FRMD3: variants seen among roughly 807,000 people sequenced by gnomAD.
The protein encoded by FRMD3 is FERM domain-containing protein 3.
In FRMD3, 33 loss-of-function variants were observed where a neutral mutation model predicts 70.2. The observed-to-expected ratio is 0.47, with a 90% CI of 0.36 to 0.63. The LOEUF is 0.63. FRMD3 is among the 20% of genes least tolerant of loss of function. The probability of loss-of-function intolerance (pLI) is 0.00; values close to 1 mark genes in which losing one functional copy is unlikely to be tolerated. For missense variants in FRMD3, 632 were observed against 711.4 expected (o/e 0.89, Z 1.27); for synonymous variants, 279 against 255.9 (o/e 1.09, Z -0.86).
the FRMD3 span, among the ~76,000 whole-genome samples, chr9:83,562,259 C>T: frequency 8.2e-4 from 125 of 152,278 alleles, no homozygotes; most frequent in African/African-American, 2.9e-3. Flanking sequence ...TCCTTAGACG[C>T]GGTATCCTTG....
intron 1 of FRMD3, among the ~76,000 whole-genome samples, chr9:83,415,877 G>T (rs1587831719): frequency 6.6e-6 from 1 of 152,124 alleles, no homozygotes; most frequent in Non-Finnish European, 1.5e-5. Context: ...ATAATGCCCT[G>T]CATAATTTGT....
At chr9:83,450,359 T>TG (rs1827615800) in intron 1 of FRMD3, among the ~76,000 whole-genome samples, 3 of 141,414 alleles carry the variant, frequency 2.1e-5, no homozygotes, top group South Asian at 4.6e-4. Context: ...TTTTTTTTTT[T>TG]TTTTTTTTTT....
intron 6 of FRMD3, among the ~76,000 whole-genome samples, chr9:83,320,061 C>A (rs540730004): frequency 6.6e-6 from 1 of 152,048 alleles, no homozygotes; most frequent in African/African-American, 2.4e-5. Flanking sequence ...CTTTTGGTAG[C>A]GATTTTAGGG....
At chr9:83,575,192 C>T in the FRMD3 span, among the ~76,000 whole-genome samples, 19 of 152,044 alleles carry the variant, frequency 1.2e-4, no homozygotes, top group African/African-American at 2.4e-5. Context: ...GACATCCTCT[C>T]AAAGAACTTA....
chr9:83,433,923 G>T (rs1185057471), intron 1 of FRMD3, among the ~76,000 whole-genome samples: 1 of 152,162 alleles, frequency 6.6e-6, no homozygotes, highest in African/African-American at 2.4e-5. Flanking sequence ...GGTTCCTACT[G>T]GTCTGTGGCC....
At chr9:83,267,858 A>G (rs1239706644) in intron 13 of FRMD3, among the ~76,000 whole-genome samples, 3 of 152,238 alleles carry the variant, frequency 2.0e-5, no homozygotes, top group Non-Finnish European at 4.4e-5. Flanking sequence ...TCAAGTGTTC[A>G]GTAGCTATAT....
chr9:83,422,944 A>G (rs1826686887), intron 1 of FRMD3, among the ~76,000 whole-genome samples: 2 of 152,242 alleles, frequency 1.3e-5, no homozygotes, highest in Non-Finnish European at 2.9e-5. Flanking sequence ...CCACCAGGCC[A>G]GGGAACGAAT....
At chr9:83,472,358 C>T (rs916813652) in intron 1 of FRMD3, among the ~76,000 whole-genome samples, 5 of 152,276 alleles carry the variant, frequency 3.3e-5, no homozygotes, top group South Asian at 2.1e-4. Flanking sequence ...ATGACACACA[C>T]GTGAAACATG....
intron 13 of FRMD3, chr9:83,279,370 A>G: frequency 6.6e-6 from 1 of 152,252 alleles, no homozygotes; most frequent in East Asian, 1.9e-4. Context: ...CTGATTTTAA[A>G]TATCATTGTT....
intron 1 of FRMD3, among the ~76,000 whole-genome samples, chr9:83,503,421 A>G (rs1829116477): frequency 6.6e-6 from 1 of 152,218 alleles, no homozygotes; most frequent in Admixed American, 6.5e-5. Flanking sequence ...GACAACCAGT[A>G]AGAAAATGGA....
intron 3 of FRMD3, among the ~76,000 whole-genome samples, chr9:83,357,295 AT>A (rs1324528330): frequency 3.3e-5 from 3 of 89,818 alleles, no homozygotes; most frequent in African/African-American, 1.2e-4. Flanking sequence ...ATATATATAT[AT>A]AAAACATTTT....
chr9:83,576,386 C>T, the FRMD3 span, among the ~76,000 whole-genome samples: 1 of 151,990 alleles, frequency 6.6e-6, no homozygotes, highest in South Asian at 2.1e-4. Flanking sequence ...CAAAAGGGAA[C>T]TTCCTTCACC....
At chr9:83,262,642 G>C (rs902533757) in intron 13 of FRMD3, among the ~76,000 whole-genome samples, 2 of 152,030 alleles carry the variant, frequency 1.3e-5, no homozygotes, top group African/African-American at 4.8e-5. Flanking sequence ...TACCACATAC[G>C]CTTCCTCCCT....
At chr9:83,449,438 G>A (rs1395338275) in intron 1 of FRMD3, among the ~76,000 whole-genome samples, 1 of 152,142 alleles carries the variant, frequency 6.6e-6, no homozygotes, top group Admixed American at 6.5e-5. Flanking sequence ...TGAACTCTGA[G>A]GTCATGGGGT....
chr9:83,309,734 C>T, intron 9 of FRMD3, 110 bp from the exon 10 acceptor site: 1 of 622,792 alleles, frequency 1.6e-6, no homozygotes. Flanking sequence ...TCCTATTACA[C>T]AGACTTGAAG....
At chr9:83,448,456 G>A (rs1007371076) in intron 1 of FRMD3, among the ~76,000 whole-genome samples, 11 of 152,108 alleles carry the variant, frequency 7.2e-5, no homozygotes, top group Non-Finnish European at 1.0e-4. Context: ...GCAGAGCAGC[G>A]GTAAGGCCTC....
intron 1 of FRMD3, among the ~76,000 whole-genome samples, chr9:83,441,364 C>A (rs1286747908): frequency 6.6e-6 from 1 of 152,064 alleles, no homozygotes; most frequent in African/African-American, 2.4e-5. Context: ...ATTCACCAGT[C>A]GAGGATCCTG....
At chr9:83,517,494 C>CAAAAAA (rs59178344) in intron 1 of FRMD3, among the ~76,000 whole-genome samples, 72 of 65,492 alleles carry the variant, frequency 1.1e-3, no homozygotes, top group Non-Finnish European at 1.4e-3. Context: ...CCTACCAATC[C>CAAAAAA]AAAAAAAAAA....
intron 1 of FRMD3, among the ~76,000 whole-genome samples, chr9:83,505,926 T>A (rs1417955070): frequency 6.6e-6 from 1 of 152,146 alleles, no homozygotes; most frequent in Non-Finnish European, 1.5e-5. Flanking sequence ...AGGAGCTTCA[T>A]TCTGGAACAG....
Sources: gnomAD v4.1 joint callset for allele counts (sites outside exome capture counted in the v4.1 genomes callset) on GRCh38, gnomAD v4.1.1 for gene constraint, MANE v1.5 for transcripts, NCBI Gene and HGNC (gene_info 2026-07-23, HGNC 2026-07-21) for gene names.